The following UNC5C variants were observed in gnomAD, a reference collection of about 807,000 sequenced individuals.
UNC5C encodes the protein unc-5 netrin receptor C.
A neutral mutation model predicts 99.8 loss-of-function variants in UNC5C; 47 were observed. That is an observed-to-expected ratio of 0.47 (90% CI 0.37 to 0.60). The LOEUF is 0.60. UNC5C is among the 20% of genes least tolerant of loss of function. The pLI is 0.00. For missense variants in UNC5C, 1,062 were observed against 1,165.9 expected (o/e 0.91, Z 1.30); for synonymous variants, 487 against 452.2 (o/e 1.08, Z -0.98).
intron 1 of UNC5C, among the ~76,000 whole-genome samples, chr4:95,341,988 C>T (rs1172541055): frequency 6.6e-6 from 1 of 152,142 alleles, no homozygotes; most frequent in Non-Finnish European, 1.5e-5. Flanking sequence ...AGGGGACTCA[C>T]CCATCCTTAC....
intron 1 of UNC5C, among the ~76,000 whole-genome samples, chr4:95,436,919 A>G (rs1746810466): frequency 6.6e-6 from 1 of 150,788 alleles, no homozygotes; most frequent in Admixed American, 6.7e-5. Context: ...GGCAGGAGAC[A>G]TTTTTTTGAA....
At chr4:95,327,694 A>C (rs992402890) in intron 2 of UNC5C, among the ~76,000 whole-genome samples, 2 of 152,032 alleles carry the variant, frequency 1.3e-5, no homozygotes, top group Non-Finnish European at 2.9e-5. Flanking sequence ...GGGGCAGTAT[A>C]ACTTCTGACT....
chr4:95,335,260 T>C (rs1743288139), intron 2 of UNC5C, 150 bp downstream of exon 2: 1 of 681,126 alleles, frequency 1.5e-6, no homozygotes, highest in African/African-American at 1.8e-5. Flanking sequence ...TGAAACAAGA[T>C]CACCAAACCT....
chr4:95,299,259 CTA>C (rs1741785299), intron 3 of UNC5C, among the ~76,000 whole-genome samples: 1 of 152,094 alleles, frequency 6.6e-6, no homozygotes, highest in African/African-American at 2.4e-5. Flanking sequence ...AGAGTAAAGA[CTA>C]TGTGAAGACA....
chr4:95,545,450 G>A (rs78477030), intron 1 of UNC5C, among the ~76,000 whole-genome samples: 3,040 of 152,114 alleles, frequency 0.02, 42 homozygotes, highest in Non-Finnish European at 0.031. Flanking sequence ...GAATTGTAAT[G>A]AACTTTAGTT....
intron 7 of UNC5C, among the ~76,000 whole-genome samples, chr4:95,223,981 T>C (rs1738573824): frequency 6.6e-6 from 1 of 152,044 alleles, no homozygotes; most frequent in Admixed American, 6.6e-5. Flanking sequence ...CCTGAAACTT[T>C]TGGTAAGAAT....
At chr4:95,341,591 G>A (rs1484678399) in intron 1 of UNC5C, among the ~76,000 whole-genome samples, 1 of 151,876 alleles carries the variant, frequency 6.6e-6, no homozygotes, top group Non-Finnish European at 1.5e-5. Context: ...AGGGAGGGGA[G>A]GAAGCAGAGC....
chr4:95,444,217 T>C (rs1054435513), intron 1 of UNC5C, among the ~76,000 whole-genome samples: 7 of 152,176 alleles, frequency 4.6e-5, no homozygotes, highest in South Asian at 2.1e-4. Context: ...GACCTCTTTC[T>C]CCTTTATTCA....
chr4:95,322,931 C>G (rs1742745627), intron 2 of UNC5C, among the ~76,000 whole-genome samples: 1 of 135,350 alleles, frequency 7.4e-6, no homozygotes, highest in East Asian at 2.1e-4. Context: ...GAGCGAGATT[C>G]TGTCTCAAAA....
chr4:95,301,843 T>C, intron 2 of UNC5C, 94 bp from the exon 3 acceptor site: 2 of 1,462,992 alleles, frequency 1.4e-6, no homozygotes, highest in East Asian at 2.5e-5. Context: ...GTCATCCCTT[T>C]TGATGCCATA....
At chr4:95,310,723 T>TC (rs397823076) in intron 2 of UNC5C, among the ~76,000 whole-genome samples, 6 of 5,500 alleles carry the variant, frequency 1.1e-3, no homozygotes, top group African/African-American at 5.2e-3. Flanking sequence ...TGGCAGCCTG[T>TC]GTCAAATGAG....
chr4:95,405,768 C>G (rs190864692), intron 1 of UNC5C, among the ~76,000 whole-genome samples: 1 of 152,168 alleles, frequency 6.6e-6, no homozygotes, highest in African/African-American at 2.4e-5. Context: ...ACTTCCCACA[C>G]GTTAGCTGTG....
At chr4:95,376,931 TGGTTGTCTGCC>T (rs1366849317) in intron 1 of UNC5C, among the ~76,000 whole-genome samples, 2 of 152,224 alleles carry the variant, frequency 1.3e-5, no homozygotes, top group African/African-American at 4.8e-5. Context: ...ACAACAGTTC[TGGTTGTCTGCC>T]TTTTTGCTGT....
intron 1 of UNC5C, among the ~76,000 whole-genome samples, chr4:95,353,838 T>G (rs1390262331): frequency 1.3e-5 from 2 of 152,120 alleles, no homozygotes; most frequent in Non-Finnish European, 2.9e-5. Flanking sequence ...TTAAAAACTC[T>G]AATTTAAGAT....
chr4:95,391,927 C>T (rs1203647198), intron 1 of UNC5C, among the ~76,000 whole-genome samples: 1 of 152,066 alleles, frequency 6.6e-6, no homozygotes, highest in Non-Finnish European at 1.5e-5. Flanking sequence ...ACCCCTGGCA[C>T]ACCCCTGTCG....
intron 12 of UNC5C, among the ~76,000 whole-genome samples, chr4:95,192,370 A>C (rs1176268651): frequency 4.2e-5 from 2 of 47,484 alleles, no homozygotes; most frequent in East Asian, 5.9e-4. Context: ...TCCCTTGCTC[A>C]TCCTCCTCTC....
chr4:95,213,917 A>T (rs1738159529), intron 10 of UNC5C, among the ~76,000 whole-genome samples: 1 of 152,192 alleles, frequency 6.6e-6, no homozygotes, highest in South Asian at 2.1e-4. Flanking sequence ...GGAGGATGGC[A>T]CATTAGGAAG....
chr4:95,402,301 C>T (rs1156678941), intron 1 of UNC5C, among the ~76,000 whole-genome samples: 1 of 152,188 alleles, frequency 6.6e-6, no homozygotes, highest in Non-Finnish European at 1.5e-5. Context: ...TCAGATTTCT[C>T]TCTTCTGCCT....
At chr4:95,517,390 A>G (rs1315257478) in intron 1 of UNC5C, among the ~76,000 whole-genome samples, 2 of 152,128 alleles carry the variant, frequency 1.3e-5, no homozygotes, top group African/African-American at 4.8e-5. Flanking sequence ...ATATCGGACT[A>G]CCTGAGGTAG....
Sources: allele counts gnomAD v4.1 joint callset (sites outside exome capture counted in the v4.1 genomes callset), GRCh38; gene constraint gnomAD v4.1.1; transcripts MANE v1.5; gene names NCBI Gene and HGNC (gene_info 2026-07-23, HGNC 2026-07-21).